Variants in TRABD2B observed in about 807,000 individuals in gnomAD.
TRABD2B encodes metalloprotease TIKI2.
In TRABD2B, 14 loss-of-function variants were observed where a neutral mutation model predicts 40.1. The observed-to-expected ratio is 0.35, with a 90% CI of 0.23 to 0.55. TRABD2B has a LOEUF of 0.55. TRABD2B is among the 20% of genes least tolerant of loss of function. TRABD2B has a pLI of 0.90. For missense variants in TRABD2B, 541 were observed against 648.6 expected (o/e 0.83, Z 1.80); for synonymous variants, 263 against 277.0 (o/e 0.95, Z 0.50).
rs573347723 is a variant in TRABD2B at position 47,973,966 on chromosome 1, C to T, written c.666+20068G>A. On this transcript the variant is annotated intron_variant, in intron 2 of 6. Coordinates refer to ENST00000606738, the MANE Select transcript of TRABD2B (RefSeq NM_001194986.2). ...AAAAAATACAAAAATTAGCTGGGTG[C>T]GGTGGAATGTGCCTGCAGTCTCAAC... Among the ~76,000 whole-genome samples, 8 of 152,014 alleles carry T rather than the reference C, an allele frequency of 5.3e-5. No homozygotes were observed. The South Asian group carries it at 1.7e-3, about 32-fold the overall frequency.
At chr1:47,940,426 T>C (rs1645170907) in intron 2 of TRABD2B, among the ~76,000 whole-genome samples, 1 of 152,138 alleles carries the variant, frequency 6.6e-6, no homozygotes, top group Admixed American at 6.5e-5. Flanking sequence ...GGACTATTAT[T>C]ATATAATACT....
At chr1:47,819,005 A>T (rs1645072111) in intron 2 of TRABD2B, 1 of 152,246 alleles carries the variant, frequency 6.6e-6, no homozygotes, top group Admixed American at 6.5e-5. Context: ...CTAATTTTTT[A>T]AAAATGTATG....
chr1:47,861,190 G>T (rs1367910369), intron 2 of TRABD2B, among the ~76,000 whole-genome samples: 1 of 151,576 alleles, frequency 6.6e-6, no homozygotes, highest in Non-Finnish European at 1.5e-5. Flanking sequence ...TATAGCAGTG[G>T]TTCTCAAACT....
At chr1:47,849,648 T>C (rs955305372) in intron 2 of TRABD2B, among the ~76,000 whole-genome samples, 1 of 152,212 alleles carries the variant, frequency 6.6e-6, no homozygotes, top group African/African-American at 2.4e-5. Flanking sequence ...CCTCTCTGTC[T>C]CCATCTGGCA....
At chr1:47,795,358 A>G (rs1322161345) in intron 3 of TRABD2B, among the ~76,000 whole-genome samples, 1 of 152,182 alleles carries the variant, frequency 6.6e-6, no homozygotes, top group East Asian at 1.9e-4. Context: ...GCTGAACCTC[A>G]GCAGATGCTG....
At chr1:47,976,107 C>T (rs1054731922) in intron 2 of TRABD2B, among the ~76,000 whole-genome samples, 1 of 152,212 alleles carries the variant, frequency 6.6e-6, no homozygotes. Context: ...ATCTCTCCTA[C>T]TCCACCTGTA....
chr1:47,780,007 C>T (rs138961384), intron 4 of TRABD2B, among the ~76,000 whole-genome samples: 91 of 152,300 alleles, frequency 6.0e-4, no homozygotes, highest in Non-Finnish European at 1.1e-3. Context: ...CCACCAGCCT[C>T]GCACACCTCT....
intron 6 of TRABD2B, among the ~76,000 whole-genome samples, chr1:47,767,259 T>C (rs957051214): frequency 6.6e-6 from 1 of 151,950 alleles, no homozygotes; most frequent in Non-Finnish European, 1.5e-5. Context: ...CAGACAGAGA[T>C]GCAGATGCAG....
intron 2 of TRABD2B, among the ~76,000 whole-genome samples, chr1:47,839,239 G>A (rs1033267249): frequency 5.3e-5 from 8 of 152,008 alleles, no homozygotes; most frequent in Non-Finnish European, 1.0e-4. Flanking sequence ...ACTGCATAAA[G>A]GCCAGGGGCC....
intron 2 of TRABD2B, among the ~76,000 whole-genome samples, chr1:47,957,525 T>A (rs1645442170): frequency 6.6e-6 from 1 of 152,098 alleles, no homozygotes; most frequent in South Asian, 2.1e-4. Context: ...TTAAATGACC[T>A]GATGGAGCTG....
Position 47,791,386 on chromosome 1 carries a change from T to C in TRABD2B, c.988+3200A>G, listed in dbSNP as rs141908952. Among the ~76,000 whole-genome samples, 258 of 152,298 alleles carry C rather than the reference T, an allele frequency of 1.7e-3. 3 individuals are homozygous for C. The highest frequency in any genetic ancestry group is 6.0e-3 in the African/African-American group (248 of 41,560). ...TCATATGTTTCTATTTCCAGAGATG[T>C]TTCTTAGAGATACCCATGGACTCTA... On this transcript the variant is annotated intron_variant, in intron 4 of 6. Coordinates refer to ENST00000606738, the MANE Select transcript of TRABD2B (RefSeq NM_001194986.2).
intron 6 of TRABD2B, among the ~76,000 whole-genome samples, chr1:47,772,059 A>C (rs1407795984): frequency 2.0e-5 from 3 of 151,520 alleles, no homozygotes; most frequent in Non-Finnish European, 4.4e-5. Flanking sequence ...CACTGCGTGG[A>C]GGAAGGGAGG....
intron 2 of TRABD2B, among the ~76,000 whole-genome samples, chr1:47,973,683 AG>A (rs1283477900): frequency 2.0e-5 from 3 of 152,188 alleles, no homozygotes; most frequent in Non-Finnish European, 4.4e-5. Context: ...ACTCCTCCCC[AG>A]GTCAACCACT....
At chr1:47,799,336 C>A (rs1294982953) in intron 3 of TRABD2B, among the ~76,000 whole-genome samples, 1 of 152,160 alleles carries the variant, frequency 6.6e-6, no homozygotes, top group Non-Finnish European at 1.5e-5. Flanking sequence ...CAGGGTGGGC[C>A]TGGCCACAAA....
At chr1:47,796,763 G>C (rs1644754178) in intron 3 of TRABD2B, among the ~76,000 whole-genome samples, 1 of 152,166 alleles carries the variant, frequency 6.6e-6, no homozygotes, top group African/African-American at 2.4e-5. Flanking sequence ...AATCAGAGTT[G>C]GCAATGGAAT....
At chr1:47,942,682 T>C (rs1645203872) in intron 2 of TRABD2B, among the ~76,000 whole-genome samples, 1 of 152,206 alleles carries the variant, frequency 6.6e-6, no homozygotes, top group South Asian at 2.1e-4. Flanking sequence ...ATTTACCAGG[T>C]TCCAGGCAGG....
chr1:47,882,316 G>A (rs6661438), intron 2 of TRABD2B, among the ~76,000 whole-genome samples: 2,607 of 152,306 alleles, frequency 0.017, 77 homozygotes, highest in African/African-American at 0.059. Flanking sequence ...GATCTCGTCC[G>A]TTCTGCCACT....
At chr1:47,900,958 T>C (rs1644592630) in intron 2 of TRABD2B, among the ~76,000 whole-genome samples, 1 of 151,754 alleles carries the variant, frequency 6.6e-6, no homozygotes. Context: ...TTTGAAGGGG[T>C]TCTATTCAAC....
At chr1:47,766,924 A>T (rs1419929814) in intron 6 of TRABD2B, among the ~76,000 whole-genome samples, 1 of 152,200 alleles carries the variant, frequency 6.6e-6, no homozygotes, top group African/African-American at 2.4e-5. Context: ...AGATGGAAGG[A>T]GAGTCAGGGC....
Sources: gnomAD v4.1 joint callset for allele counts (sites outside exome capture counted in the v4.1 genomes callset) on GRCh38, gnomAD v4.1.1 for gene constraint, MANE v1.5 for transcripts, NCBI Gene and HGNC (gene_info 2026-07-23, HGNC 2026-07-21) for gene names.